The following SOX6 variants were observed in gnomAD, a reference collection of about 807,000 sequenced individuals.
The protein encoded by SOX6 is transcription factor SOX-6.
In SOX6, 11 loss-of-function variants were observed where a neutral mutation model predicts 97.8. The ratio of observed to expected loss-of-function variants is 0.11; its 90% CI spans 0.07 to 0.19. The LOEUF (loss-of-function observed/expected upper bound fraction) is 0.19. Ranked by LOEUF, SOX6 falls within the 10% of genes least tolerant of loss-of-function variation. The pLI, the probability that SOX6 is intolerant of heterozygous loss-of-function variation, is 1.00. For synonymous variants in SOX6, 360 were observed against 371.4 expected (o/e 0.97, Z 0.35); for missense variants, 810 against 1,039.5 (o/e 0.78, Z 3.04).
intron 6 of SOX6, among the ~76,000 whole-genome samples, chr11:16,158,729 T>C (rs16932650): frequency 0.056 from 8,542 of 152,028 alleles, 623 homozygotes; most frequent in East Asian, 0.37. Flanking sequence ...GGAATTGATA[T>C]AAAATTTTGC....
At chr11:16,187,154 C>A (rs1388236064) in intron 4 of SOX6, among the ~76,000 whole-genome samples, 199 bp from the exon 5 acceptor site, 2 of 152,006 alleles carry the variant, frequency 1.3e-5, no homozygotes, top group African/African-American at 4.8e-5. Flanking sequence ...ACTGTTCCTG[C>A]CAAGAGAAAG....
At chr11:16,404,345 C>T (rs984464089) in intron 1 of SOX6, among the ~76,000 whole-genome samples, 1 of 151,732 alleles carries the variant, frequency 6.6e-6, no homozygotes, top group African/African-American at 2.4e-5. Flanking sequence ...AAATAATGGC[C>T]GGTATATTAA....
chr11:16,278,167 A>G (rs1407118896), intron 3 of SOX6, among the ~76,000 whole-genome samples: 1 of 152,178 alleles, frequency 6.6e-6, no homozygotes, highest in Admixed American at 6.6e-5. Flanking sequence ...CTCTTTTGCT[A>G]CTACTATTTA....
At chr11:16,671,781 A>C (rs1007892849) in intron 3 of SOX6, among the ~76,000 whole-genome samples, 1 of 152,240 alleles carries the variant, frequency 6.6e-6, no homozygotes, top group Non-Finnish European at 1.5e-5. Context: ...CAACAGTCAG[A>C]TGTAGGAAAT....
At chr11:16,257,520 C>CT (rs1853729711) in intron 3 of SOX6, among the ~76,000 whole-genome samples, 1 of 151,808 alleles carries the variant, frequency 6.6e-6, no homozygotes, top group Admixed American at 6.6e-5. Context: ...AAGGAGGAGT[C>CT]TAGACATATA....
At chr11:16,422,679 C>T (rs957228445) in intron 1 of SOX6, among the ~76,000 whole-genome samples, 1 of 152,206 alleles carries the variant, frequency 6.6e-6, no homozygotes, top group Non-Finnish European at 1.5e-5. Context: ...GGCTGCAAAC[C>T]TAGCCAGCAC....
intron 6 of SOX6, among the ~76,000 whole-genome samples, chr11:16,158,098 T>C (rs946173931): frequency 6.6e-6 from 1 of 152,002 alleles, no homozygotes; most frequent in African/African-American, 2.4e-5. Flanking sequence ...CAAAGACTAG[T>C]AGAAATTTAA....
intron 1 of SOX6, among the ~76,000 whole-genome samples, chr11:16,426,913 C>CAAAAAA (rs34720074): frequency 3.2e-5 from 2 of 62,636 alleles, no homozygotes; most frequent in Non-Finnish European, 5.5e-5. Context: ...GACTCCGTCT[C>CAAAAAA]AAAAAAAAAA....
chr11:16,339,390 C>A (rs1856559703), intron 2 of SOX6, among the ~76,000 whole-genome samples: 1 of 151,968 alleles, frequency 6.6e-6, no homozygotes, highest in Non-Finnish European at 1.5e-5. Context: ...CCATCTTTTA[C>A]TTTCTGAAAT....
chr11:16,597,190 T>C (rs956260224), intron 4 of SOX6, among the ~76,000 whole-genome samples: 6 of 152,074 alleles, frequency 3.9e-5, no homozygotes, highest in Non-Finnish European at 8.8e-5. Context: ...ACGAGTACTA[T>C]AAATATAAGA....
At chr11:16,542,969 T>C (rs1044824788) in intron 4 of SOX6, among the ~76,000 whole-genome samples, 19 of 152,114 alleles carry the variant, frequency 1.2e-4, no homozygotes, top group Admixed American at 1.0e-3. Context: ...TGAAAAACTA[T>C]GGTACTTTAT....
At chr11:16,306,867 A>G (rs1038284710) in intron 3 of SOX6, among the ~76,000 whole-genome samples, 1 of 151,530 alleles carries the variant, frequency 6.6e-6, no homozygotes, top group Non-Finnish European at 1.5e-5. Flanking sequence ...CGCGTGATCC[A>G]CCCGCCTCAG....
In SOX6 at chr11:16,300,034, G is replaced by T. The variant is rs1855211392; in HGVS notation, c.445+18412C>A. Among the ~76,000 whole-genome samples, 1 of 152,114 alleles carries T rather than the reference G, an allele frequency of 6.6e-6. No homozygotes were observed. The highest frequency in any genetic ancestry group is 2.4e-5 in the African/African-American group (1 of 41,438). On this transcript the variant is annotated intron_variant, in intron 3 of 15. Transcript: ENST00000683767. The surrounding 1 kb of genome is among the most constrained non-coding windows in gnomAD (Gnocchi z 4.1). ...TAATTTTATGTTGTTTACACTGGAG[G>T]CAGTTTTCCACGAGCACTGCTCAGG...
intron 4 of SOX6, among the ~76,000 whole-genome samples, chr11:16,192,000 C>T (rs1851645665): frequency 6.6e-6 from 1 of 151,914 alleles, no homozygotes; most frequent in Non-Finnish European, 1.5e-5. Context: ...TTTGACTAAA[C>T]ACCTGATTTA....
intron 6 of SOX6, among the ~76,000 whole-genome samples, chr11:16,122,823 A>C (rs1466254377): frequency 6.6e-6 from 1 of 152,098 alleles, no homozygotes; most frequent in Non-Finnish European, 1.5e-5. Flanking sequence ...ATTCTATGTT[A>C]TTTAAAAACT....
At chr11:16,034,427 T>C (rs910330134) in intron 12 of SOX6, among the ~76,000 whole-genome samples, 7 of 152,212 alleles carry the variant, frequency 4.6e-5, no homozygotes, top group African/African-American at 1.4e-4. Flanking sequence ...GAAATTCTAA[T>C]CTTAGTTGCA....
chr11:16,057,340 A>G (rs1024869494), intron 9 of SOX6, among the ~76,000 whole-genome samples: 1 of 152,100 alleles, frequency 6.6e-6, no homozygotes, highest in South Asian at 2.1e-4. Context: ...ACTTAATTTT[A>G]TTTCTCAACT....
chr11:16,404,966 C>A (rs1256147167), intron 1 of SOX6, among the ~76,000 whole-genome samples: 1 of 151,932 alleles, frequency 6.6e-6, no homozygotes, highest in Non-Finnish European at 1.5e-5. Context: ...TTTCTGCTAG[C>A]ATTTCTTATT....
chr11:16,052,631 C>T (rs984990469), intron 10 of SOX6, among the ~76,000 whole-genome samples: 3 of 152,020 alleles, frequency 2.0e-5, no homozygotes, highest in Non-Finnish European at 2.9e-5. Flanking sequence ...GCTTTGCAAG[C>T]CTGATATTTA....
Sources: allele counts gnomAD v4.1 joint callset (sites outside exome capture counted in the v4.1 genomes callset), GRCh38; gene constraint gnomAD v4.1.1; non-coding constraint Gnocchi (gnomAD v3.1); transcripts MANE v1.5; gene names NCBI Gene and HGNC (gene_info 2026-07-23, HGNC 2026-07-21).